Variants in RAD51B observed in about 807,000 individuals in gnomAD.
The protein encoded by RAD51B is RAD51 paralog B, also known as DNA repair protein RAD51 homolog 2.
Under a neutral mutation model 42.2 loss-of-function variants are expected in RAD51B, and 38 were observed. The ratio of observed to expected loss-of-function variants is 0.90; its 90% CI spans 0.70 to 1.18. RAD51B has a LOEUF of 1.18. Among genes scored for constraint, RAD51B ranks in the 50% most tolerant of loss-of-function variants. RAD51B has a pLI of 0.00. For synonymous variants in RAD51B, 154 were observed against 145.2 expected, an observed-to-expected ratio of 1.06 and a Z score of -0.43; for missense variants, 373 against 400.7, an observed-to-expected ratio of 0.93 and a Z score of 0.59.
chr14:68,310,324 T>A (rs1210423212), intron 8 of RAD51B, among the ~76,000 whole-genome samples: 2 of 152,204 alleles, frequency 1.3e-5, no homozygotes, highest in South Asian at 2.1e-4. Flanking sequence ...TGTTTTCCCC[T>A]TAGGCATCCA....
chr14:68,301,254 T>C (rs1298316844), intron 8 of RAD51B, among the ~76,000 whole-genome samples: 2 of 145,708 alleles, frequency 1.4e-5, no homozygotes, highest in Non-Finnish European at 3.0e-5. Flanking sequence ...AGGAGACAAA[T>C]GTTTTTTTGT....
intron 7 of RAD51B, among the ~76,000 whole-genome samples, chr14:67,974,688 C>T (rs780930687): frequency 2.6e-5 from 4 of 151,994 alleles, no homozygotes; most frequent in East Asian, 1.9e-4. Context: ...AGTTAATGGT[C>T]GACCCATAGA....
chr14:68,032,321 T>C (rs966903158), intron 7 of RAD51B, among the ~76,000 whole-genome samples: 7 of 151,490 alleles, frequency 4.6e-5, no homozygotes, highest in Non-Finnish European at 1.0e-4. Context: ...TATTTAGCAC[T>C]CTCTCTCTCT....
At chr14:68,638,400 C>G (rs1892383889) in intron 10 of RAD51B, among the ~76,000 whole-genome samples, 2 of 152,102 alleles carry the variant, frequency 1.3e-5, no homozygotes, top group African/African-American at 2.4e-5. Flanking sequence ...GGCTTCCAAG[C>G]AAGCTCCAAG....
intron 7 of RAD51B, among the ~76,000 whole-genome samples, chr14:68,181,768 T>TG (rs1034939402): frequency 6.6e-6 from 1 of 151,926 alleles, no homozygotes; most frequent in Non-Finnish European, 1.5e-5. Context: ...CCTCCAAAGG[T>TG]GGGGGTTTGG....
At chr14:68,302,950 G>A (rs2081776720) in intron 8 of RAD51B, among the ~76,000 whole-genome samples, 1 of 152,214 alleles carries the variant, frequency 6.6e-6, no homozygotes, top group Admixed American at 6.5e-5. Flanking sequence ...TCACAGTGCT[G>A]CAGAGATTTT....
chr14:68,508,188 G>A lies in RAD51B; in HGVS notation c.1036+39938G>A, dbSNP rs567875304. On this transcript the variant is annotated intron_variant, in intron 10 of 10. Coordinates refer to the RAD51B transcript ENST00000487270. Reference sequence around the variant, plus strand: ...CAGGGCTCCAGTTGTTGATGGTGATGGAAGTTTGCTTTATACTTGGTCCCT... The same window carrying A: ...CAGGGCTCCAGTTGTTGATGGTGATAGAAGTTTGCTTTATACTTGGTCCCT... 3.2e-4 allele frequency among the ~76,000 whole-genome samples: 48 copies of A among 152,260 alleles called. 1 individual carries two copies. The South Asian group carries it at 9.7e-3, about 31-fold the overall frequency.
At chr14:68,330,923 T>C (rs1193634259) in intron 8 of RAD51B, among the ~76,000 whole-genome samples, 1 of 152,160 alleles carries the variant, frequency 6.6e-6, no homozygotes, top group Non-Finnish European at 1.5e-5. Context: ...TCAGCTCTAG[T>C]ATGTATGTGG....
intron 5 of RAD51B, among the ~76,000 whole-genome samples, chr14:67,873,718 GA>G (rs1392979072): frequency 3.4e-5 from 5 of 146,732 alleles, no homozygotes; most frequent in Non-Finnish European, 6.0e-5. Flanking sequence ...ACTGGATTAA[GA>G]AAGCGTGGCA....
At chr14:68,024,127 C>T (rs2075913436) in intron 7 of RAD51B, among the ~76,000 whole-genome samples, 1 of 151,978 alleles carries the variant, frequency 6.6e-6, no homozygotes, top group African/African-American at 2.4e-5. Context: ...TGCTTGTTGT[C>T]AGTCTTGTCA....
chr14:67,885,941 TA>T lies in RAD51B; in HGVS notation c.528del (p.Val177PhefsTer31). The T allele has an allele frequency of 6.2e-7, 1 of 1,608,368 alleles. No individual in the cohort carries two copies. Among genetic ancestry groups the T allele is most frequent in the Non-Finnish European group, 8.5e-7 (1 of 1,175,854 alleles). On this transcript the variant is annotated frameshift_variant, in exon 6 of 11. Transcript: ENST00000471583. LOFTEE classifies it high-confidence loss of function. Reference sequence around the variant, plus strand: ...AAGAAAAGTTACTTTTGACAAGTAGTAAAGTTCATCTTTATCGGGAACTCAC... The same window carrying T: ...AAGAAAAGTTACTTTTGACAAGTAGTAAGTTCATCTTTATCGGGAACTCAC... The part of the protein sequence containing the change: ...TEEKLLLTSS[K>X]VHLYRELTCD...
intron 7 of RAD51B, among the ~76,000 whole-genome samples, chr14:68,086,202 G>A (rs186122712): frequency 1.3e-5 from 2 of 152,278 alleles, no homozygotes; most frequent in Admixed American, 1.3e-4. Flanking sequence ...CCCTGGAGTT[G>A]GGCCGCCCAG....
chr14:67,860,210 T>C (rs1459744569), intron 4 of RAD51B, among the ~76,000 whole-genome samples: 2 of 152,184 alleles, frequency 1.3e-5, no homozygotes, highest in Admixed American at 1.3e-4. Context: ...TTAAATTATT[T>C]AATGTGAGAG....
chr14:68,147,549 A>T (rs938677419), intron 7 of RAD51B, among the ~76,000 whole-genome samples: 1 of 152,128 alleles, frequency 6.6e-6, no homozygotes, highest in Non-Finnish European at 1.5e-5. Context: ...CTGTCACTAG[A>T]TTTCATCACC....
chr14:68,574,988 C>T (rs1001908688), intron 10 of RAD51B, among the ~76,000 whole-genome samples: 11 of 152,168 alleles, frequency 7.2e-5, no homozygotes, highest in South Asian at 4.1e-4. Context: ...GAGGAAAGCA[C>T]GCCATTGACT....
intron 7 of RAD51B, among the ~76,000 whole-genome samples, chr14:68,003,937 A>G (rs932951567): frequency 4.6e-5 from 7 of 152,188 alleles, no homozygotes; most frequent in African/African-American, 1.4e-4. Context: ...TGTAATTTTT[A>G]ATATCTACTA....
At chr14:68,215,131 C>G (rs2079787298) in intron 7 of RAD51B, among the ~76,000 whole-genome samples, 1 of 152,170 alleles carries the variant, frequency 6.6e-6, no homozygotes, top group Admixed American at 6.5e-5. Flanking sequence ...GAGTTATCAT[C>G]ATAATAACCC....
intron 9 of RAD51B, among the ~76,000 whole-genome samples, chr14:68,466,438 T>A (rs140767698): frequency 6.6e-6 from 1 of 152,352 alleles, no homozygotes; most frequent in East Asian, 1.9e-4. Flanking sequence ...CAGTTTTGGT[T>A]AGAATTCAGG....
intron 7 of RAD51B, among the ~76,000 whole-genome samples, chr14:68,049,732 C>G (rs951335755): frequency 5.9e-5 from 9 of 152,208 alleles, no homozygotes; most frequent in Non-Finnish European, 8.8e-5. Context: ...CCCACAGCCT[C>G]CTTGCCAGCC....
Sources: allele counts gnomAD v4.1 joint callset (sites outside exome capture counted in the v4.1 genomes callset), GRCh38; gene constraint gnomAD v4.1.1; transcripts MANE v1.5; gene names NCBI Gene and HGNC (gene_info 2026-07-23, HGNC 2026-07-21).